TENM2: variants seen among roughly 807,000 people sequenced by gnomAD.
TENM2 encodes teneurin transmembrane protein 2.
In TENM2, 52 loss-of-function variants were observed where a neutral mutation model predicts 245.2. That is an observed-to-expected ratio of 0.21 (90% CI 0.17 to 0.27). The LOEUF (loss-of-function observed/expected upper bound fraction) is 0.27. Ranked by LOEUF, TENM2 falls within the 10% of genes least tolerant of loss-of-function variation. TENM2 has a pLI of 1.00. For synonymous variants in TENM2, 1,363 were observed against 1,438.9 expected (o/e 0.95, Z 1.19); for missense variants, 3,046 against 3,666.8 (o/e 0.83, Z 4.37).
chr5:167,249,964 G>A, the TENM2 span, among the ~76,000 whole-genome samples: 2 of 152,126 alleles, frequency 1.3e-5, no homozygotes, highest in Non-Finnish European at 2.9e-5. Context: ...CTAAGTAAAC[G>A]ATTAAATGGT....
chr5:167,988,178 G>A (rs1783390781), intron 4 of TENM2, among the ~76,000 whole-genome samples: 1 of 152,152 alleles, frequency 6.6e-6, no homozygotes, highest in Non-Finnish European at 1.5e-5. Context: ...TGGCAAACAG[G>A]CATCAACACG....
At chr5:168,143,292 A>G (rs933743581) in intron 12 of TENM2, among the ~76,000 whole-genome samples, 1 of 148,788 alleles carries the variant, frequency 6.7e-6, no homozygotes. Flanking sequence ...AACCACATTT[A>G]TTTTGGGGGG....
intron 1 of TENM2, among the ~76,000 whole-genome samples, chr5:167,332,283 G>A (rs1757504884): frequency 6.6e-6 from 1 of 151,970 alleles, no homozygotes; most frequent in Admixed American, 6.6e-5. Context: ...ATTTCCTTAT[G>A]GTATTTTAAA....
intron 3 of TENM2, among the ~76,000 whole-genome samples, chr5:167,911,718 C>A (rs1349878734): frequency 6.6e-6 from 1 of 152,056 alleles, no homozygotes; most frequent in African/African-American, 2.4e-5. Flanking sequence ...ATTCACGCAG[C>A]GAATATTTAT....
the TENM2 span, among the ~76,000 whole-genome samples, chr5:167,038,548 A>T: frequency 6.6e-6 from 1 of 152,166 alleles, no homozygotes; most frequent in African/African-American, 2.4e-5. Flanking sequence ...GAACAAGAGC[A>T]TTTTTGTTAA....
At chr5:167,327,645 G>A (rs1297062884) in intron 1 of TENM2, among the ~76,000 whole-genome samples, 1 of 152,170 alleles carries the variant, frequency 6.6e-6, no homozygotes, top group East Asian at 1.9e-4. Flanking sequence ...GTCAGAAGAA[G>A]TGAAGGAATA....
chr5:167,252,859 T>C, the TENM2 span, among the ~76,000 whole-genome samples: 1 of 152,154 alleles, frequency 6.6e-6, no homozygotes, highest in Non-Finnish European at 1.5e-5. Flanking sequence ...TTATAATATT[T>C]CAGTTTTTCC....
At chr5:168,140,121 C>G (rs572407956) in intron 12 of TENM2, among the ~76,000 whole-genome samples, 3 of 152,240 alleles carry the variant, frequency 2.0e-5, no homozygotes, top group Admixed American at 1.3e-4. Flanking sequence ...TCCTTGGTAA[C>G]TGGTTTAAGC....
intron 1 of TENM2, among the ~76,000 whole-genome samples, chr5:167,304,288 G>T (rs1265151524): frequency 6.6e-6 from 1 of 152,198 alleles, no homozygotes; most frequent in Non-Finnish European, 1.5e-5. Context: ...GTGGCTAACT[G>T]TATAACTCTT....
intron 7 of TENM2, 93 bp downstream of exon 9, chr5:168,062,358 C>A (rs1790120815): frequency 1.1e-5 from 11 of 973,606 alleles, no homozygotes; most frequent in Non-Finnish European, 1.7e-5. Context: ...CACTACAATG[C>A]CTATAATTAA....
chr5:167,883,953 C>A (rs1351436055), intron 3 of TENM2, among the ~76,000 whole-genome samples: 1 of 152,146 alleles, frequency 6.6e-6, no homozygotes, highest in Non-Finnish European at 1.5e-5. Flanking sequence ...ATCTCTTAGA[C>A]CCATACCCAA....
intron 2 of TENM2, among the ~76,000 whole-genome samples, chr5:167,608,354 A>G (rs935694303): frequency 6.6e-6 from 1 of 152,158 alleles, no homozygotes; most frequent in African/African-American, 2.4e-5. Flanking sequence ...TGAGATGGTT[A>G]TCTGTTAATC....
At chr5:167,166,453 T>A in the TENM2 span, among the ~76,000 whole-genome samples, 3 of 152,168 alleles carry the variant, frequency 2.0e-5, no homozygotes, top group Non-Finnish European at 4.4e-5. Flanking sequence ...GGACTCTCTG[T>A]CCTTTCTGGC....
At chr5:167,449,513 TAGATAGATAGATAG>T in intron 2 of TENM2, among the ~76,000 whole-genome samples, 1 of 1,826 alleles carries the variant, frequency 5.5e-4, no homozygotes, top group Admixed American at 5.9e-3. Context: ...GATATGCAGA[TAGATAGATAGATAG>T]ATAGATAGAT....
At chr5:167,592,917 T>C (rs1775973889) in intron 2 of TENM2, among the ~76,000 whole-genome samples, 1 of 152,176 alleles carries the variant, frequency 6.6e-6, no homozygotes, top group African/African-American at 2.4e-5. Context: ...TCATATAAAA[T>C]GTTTAATACA....
intron 4 of TENM2, among the ~76,000 whole-genome samples, chr5:167,962,124 T>C (rs1204932280): frequency 6.6e-6 from 1 of 152,196 alleles, no homozygotes; most frequent in Non-Finnish European, 1.5e-5. Context: ...TTTCCTAAAG[T>C]AAGCTCTTCC....
the TENM2 span, among the ~76,000 whole-genome samples, chr5:167,157,938 A>T: frequency 3.9e-5 from 6 of 152,232 alleles, no homozygotes; most frequent in Non-Finnish European, 7.3e-5. Context: ...AGAAGAGAAG[A>T]ATTCAGCAGA....
At chr5:167,505,554 T>A (rs1266948251) in intron 2 of TENM2, among the ~76,000 whole-genome samples, 2 of 152,204 alleles carry the variant, frequency 1.3e-5, no homozygotes, top group South Asian at 4.1e-4. Context: ...TTGAAAAATG[T>A]AGGTAAACTT....
intron 2 of TENM2, among the ~76,000 whole-genome samples, chr5:167,479,835 TAA>T (rs1406743070): frequency 6.6e-6 from 1 of 152,206 alleles, no homozygotes; most frequent in Non-Finnish European, 1.5e-5. Flanking sequence ...ATGCAAAATT[TAA>T]AGACATTGAA....
Sources: allele counts gnomAD v4.1 joint callset (sites outside exome capture counted in the v4.1 genomes callset), GRCh38; gene constraint gnomAD v4.1.1; transcripts MANE v1.5; gene names NCBI Gene and HGNC (gene_info 2026-07-23, HGNC 2026-07-21).